The following MTMR14 variants were observed in gnomAD, a reference collection of about 807,000 sequenced individuals.
MTMR14 encodes phosphatidylinositol-3,5-bisphosphate 3-phosphatase MTMR14.
A neutral mutation model predicts 86.3 loss-of-function variants in MTMR14; 48 were observed. That is an observed-to-expected ratio of 0.56 (90% CI 0.44 to 0.71). The LOEUF (loss-of-function observed/expected upper bound fraction) is 0.71. MTMR14 is among the 30% of genes least tolerant of loss of function. The pLI, the probability that MTMR14 is intolerant of heterozygous loss-of-function variation, is 0.00. For synonymous variants in MTMR14, 366 were observed against 326.1 expected (o/e 1.12, Z -1.32); for missense variants, 780 against 834.6 (o/e 0.93, Z 0.81).
chr3:9,697,634 C>T, intron 17 of MTMR14, 77 bp from the exon 18 acceptor site: 1 of 1,523,806 alleles, frequency 6.6e-7, no homozygotes, highest in Non-Finnish European at 9.0e-7. Flanking sequence ...CTGCGCTAGT[C>T]CCCTAGCCCC....
intron 13 of MTMR14, 95 bp downstream of exon 13, chr3:9,685,342 T>G: frequency 2.6e-5 from 38 of 1,448,440 alleles, no homozygotes; most frequent in South Asian, 3.4e-5. Flanking sequence ...GGGCAGCTCC[T>G]TGCCCCAGGT....
chr3:9,654,162 G>C (rs1659538022), intron 2 of MTMR14, among the ~76,000 whole-genome samples: 1 of 152,204 alleles, frequency 6.6e-6, no homozygotes, highest in African/African-American at 2.4e-5. Flanking sequence ...GACTGCTAGA[G>C]TCAGACTGTC....
At chr3:9,698,696 T>C (rs1559623642) in intron 18 of MTMR14, among the ~76,000 whole-genome samples, 1 of 152,094 alleles carries the variant, frequency 6.6e-6, no homozygotes, top group East Asian at 1.9e-4. Flanking sequence ...GGGCCCTGGA[T>C]CCTAGCTGAG....
At position 9,671,178 on chromosome 3, in the gene MTMR14, C is replaced by T. The variant is rs781028725; in HGVS notation, c.677+8C>T. 3 of 1,614,162 alleles carry T rather than the reference C, an allele frequency of 1.9e-6. No homozygotes were observed. The highest frequency in any genetic ancestry group is 2.5e-6 in the Non-Finnish European group (3 of 1,180,000). On this transcript the variant is annotated splice_region_variant and intron_variant, in intron 6 of 18. Transcript: ENST00000296003. ...GGTGAAGTTTGGCATGAAGTAAGTA[C>T]AGGCGCCCACTACAAAATGAGCAGA...
intron 6 of MTMR14, among the ~76,000 whole-genome samples, chr3:9,671,636 C>G (rs1052222999): frequency 6.7e-6 from 1 of 149,822 alleles, no homozygotes; most frequent in Non-Finnish European, 1.5e-5. Flanking sequence ...CAAGAATGAG[C>G]CCACTGTGCC....
Position 9,668,640 on chromosome 3 carries a change from C to A in MTMR14, c.418-79C>A, listed in dbSNP as rs17050492. 3,464 of 1,466,698 alleles carry A rather than the reference C, an allele frequency of 2.4e-3. 64 individuals are homozygous for A. The African/African-American group carries it at 0.04, about 17-fold the overall frequency. The allele number at this position is 1,466,698 out of a possible 1,614,324, so 90.9% of individuals were successfully genotyped here. A position where few individuals can be genotyped will look rare whatever the true frequency, so the allele number is the denominator to read the frequency against. On this transcript the variant is annotated intron_variant, in intron 3 of 18. Coordinates refer to ENST00000296003, the MANE Select transcript of MTMR14 (RefSeq NM_001077525.3). ...GCCCGTTATGCTGGCCTGGAAGAGT[C>A]AGAGGAGTCCCACATGTTCCTTCAA...
At chr3:9,697,402 C>G (rs1427644306) in intron 17 of MTMR14, among the ~76,000 whole-genome samples, 11 of 152,194 alleles carry the variant, frequency 7.2e-5, no homozygotes, top group African/African-American at 2.7e-4. Flanking sequence ...GCCGTGTTCA[C>G]TCCCAGCGCA....
rs555325294 is a variant in MTMR14 at position 9,683,832 on chromosome 3, T to G, written c.964+588T>G. ...GCCAGGTGAACATCATAAAGAATCT[T>G]TCTCTGTTTCTCAAAACCACTGTCT... On this transcript the variant is annotated intron_variant, in intron 10 of 18. Coordinates refer to ENST00000296003, the MANE Select transcript of MTMR14 (RefSeq NM_001077525.3). The G allele has an allele frequency of 7.0e-5, 11 of 156,734 alleles. No homozygotes were observed. The South Asian group carries it at 1.7e-3, about 25-fold the overall frequency. The allele number at this position is 156,734 out of a possible 1,614,324, so 9.7% of individuals were successfully genotyped here.
chr3:9,667,783 C>T (rs1322353382), intron 3 of MTMR14, among the ~76,000 whole-genome samples: 1 of 152,224 alleles, frequency 6.6e-6, no homozygotes, highest in Non-Finnish European at 1.5e-5. Flanking sequence ...GCAAAACTTT[C>T]CTTCCCATTA....
chr3:9,694,742 C>G (rs538258871), intron 17 of MTMR14, among the ~76,000 whole-genome samples: 1 of 152,264 alleles, frequency 6.6e-6, no homozygotes, highest in Admixed American at 6.5e-5. Context: ...TGAGCCAGCT[C>G]GGTTTGTGTG....
intron 2 of MTMR14, among the ~76,000 whole-genome samples, chr3:9,659,141 G>A (rs1250845301): frequency 2.0e-5 from 3 of 152,154 alleles, no homozygotes; most frequent in Non-Finnish European, 4.4e-5. Flanking sequence ...AGTCTGAGGT[G>A]GGAGGATCAC....
intron 17 of MTMR14, among the ~76,000 whole-genome samples, chr3:9,694,744 G>A (rs1433757673): frequency 1.3e-5 from 2 of 152,218 alleles, no homozygotes; most frequent in Admixed American, 1.3e-4. Context: ...AGCCAGCTCG[G>A]TTTGTGTGAG....
chr3:9,655,642 T>G (rs1420811652), intron 2 of MTMR14, among the ~76,000 whole-genome samples: 1 of 150,892 alleles, frequency 6.6e-6, no homozygotes, highest in African/African-American at 2.4e-5. Flanking sequence ...TTTGTATTTT[T>G]AGTAGAGACA....
chr3:9,672,874 G>T (rs2048651094), intron 7 of MTMR14, 116 bp downstream of exon 7: 2 of 937,564 alleles, frequency 2.1e-6, no homozygotes, highest in Non-Finnish European at 3.5e-6. Flanking sequence ...GAGGGTTTGT[G>T]TCAGGCAGTG....
chr3:9,687,941 G>T, intron 14 of MTMR14, 50 bp downstream of exon 14: 1 of 1,481,624 alleles, frequency 6.7e-7, no homozygotes. Flanking sequence ...CTCTGAGAAG[G>T]GCTGCTCCCT....
At chr3:9,659,374 A>G (rs1026265717) in intron 2 of MTMR14, among the ~76,000 whole-genome samples, 18 of 152,242 alleles carry the variant, frequency 1.2e-4, no homozygotes, top group African/African-American at 3.9e-4. Flanking sequence ...TTAGCACTGC[A>G]ATAAAAGAAT....
chr3:9,674,181 T>G (rs2048728215), intron 7 of MTMR14, among the ~76,000 whole-genome samples: 1 of 152,200 alleles, frequency 6.6e-6, no homozygotes, highest in Admixed American at 6.5e-5. Context: ...TAAATTTAGG[T>G]TCCAAGTAGG....
At chr3:9,652,404 G>A (rs1158251655) in intron 1 of MTMR14, among the ~76,000 whole-genome samples, 3 of 152,200 alleles carry the variant, frequency 2.0e-5, no homozygotes, top group African/African-American at 7.2e-5. Context: ...AAGAGACTTT[G>A]CAGCTTTTAC....
chr3:9,696,755 A>G (rs964811744), intron 17 of MTMR14, among the ~76,000 whole-genome samples: 3 of 152,160 alleles, frequency 2.0e-5, no homozygotes, highest in African/African-American at 4.8e-5. Context: ...TCCACCCCCA[A>G]TCCCTGCTCT....
Sources: gnomAD v4.1 joint callset for allele counts (sites outside exome capture counted in the v4.1 genomes callset) on GRCh38, gnomAD v4.1.1 for gene constraint, MANE v1.5 for transcripts, NCBI Gene and HGNC (gene_info 2026-07-23, HGNC 2026-07-21) for gene names.